GLIS3: variants seen among roughly 807,000 people sequenced by gnomAD.
The protein encoded by GLIS3 is zinc finger protein GLIS3.
In GLIS3, 53 loss-of-function variants were observed where a neutral mutation model predicts 78.6. The observed-to-expected ratio is 0.67, with a 90% CI of 0.54 to 0.85. The LOEUF is 0.85. GLIS3 is among the 40% of genes least tolerant of loss of function. GLIS3 has a pLI of 0.00. For synonymous variants in GLIS3, 684 were observed against 509.9 expected (o/e 1.34, Z -4.60); for missense variants, 1,703 against 1,231.1 (o/e 1.38, Z -5.74).
chr9:4,358,695 C>G, the GLIS3 span, among the ~76,000 whole-genome samples: 1 of 152,130 alleles, frequency 6.6e-6, no homozygotes, highest in South Asian at 2.1e-4. Flanking sequence ...ACAGATGCTC[C>G]AGAGGAATGG....
At chr9:4,092,365 G>A (rs1022564972) in intron 4 of GLIS3, among the ~76,000 whole-genome samples, 22 of 151,774 alleles carry the variant, frequency 1.4e-4, no homozygotes, top group Non-Finnish European at 2.6e-4. Context: ...TGTTAACCAG[G>A]ATGGTCTCGA....
intron 2 of GLIS3, among the ~76,000 whole-genome samples, chr9:4,333,548 C>G (rs1371228717): frequency 2.0e-5 from 3 of 152,144 alleles, no homozygotes; most frequent in Non-Finnish European, 4.4e-5. Flanking sequence ...TTCAACATTG[C>G]TCTGGGCTAG....
chr9:4,306,165 G>C (rs1433072491), intron 4 of GLIS3: 2 of 152,170 alleles, frequency 1.3e-5, no homozygotes, highest in South Asian at 2.1e-4. Context: ...CTACAGCCCC[G>C]ACCTCCTGGG....
chr9:4,084,320 A>AGAGG (rs1828830114), intron 4 of GLIS3, among the ~76,000 whole-genome samples: 1 of 148,406 alleles, frequency 6.7e-6, no homozygotes, highest in Admixed American at 6.8e-5. Flanking sequence ...CCTTAAACTT[A>AGAGG]GAGGGGCCTG....
the GLIS3 span, among the ~76,000 whole-genome samples, chr9:4,358,179 C>G: frequency 4.5e-4 from 69 of 152,098 alleles, 1 homozygote; most frequent in East Asian, 0.011. Context: ...AAGAAAATTT[C>G]CAGAAGGCTG....
chr9:4,077,012 T>C (rs1361177313), intron 4 of GLIS3, among the ~76,000 whole-genome samples: 1 of 152,182 alleles, frequency 6.6e-6, no homozygotes, highest in African/African-American at 2.4e-5. Context: ...TGAGCTGAGC[T>C]CAAGCCTCTG....
intron 2 of GLIS3, among the ~76,000 whole-genome samples, chr9:4,284,602 GAAGAA>G (rs1367716901): frequency 1.3e-5 from 2 of 151,538 alleles, no homozygotes; most frequent in Non-Finnish European, 2.9e-5. Context: ...CAAAAAAAAA[GAAGAA>G]GAAGAAAAAT....
At chr9:4,396,275 G>C in the GLIS3 span, among the ~76,000 whole-genome samples, 1 of 152,124 alleles carries the variant, frequency 6.6e-6, no homozygotes, top group Non-Finnish European at 1.5e-5. Flanking sequence ...ACTATGCCTA[G>C]CTAAGTTTTC....
chr9:4,082,039 G>A (rs774219261), intron 4 of GLIS3, among the ~76,000 whole-genome samples: 1 of 152,182 alleles, frequency 6.6e-6, no homozygotes, highest in Non-Finnish European at 1.5e-5. Flanking sequence ...GACAGAATCG[G>A]AATGGGAGCC....
chr9:3,918,617 C>T (rs1824673240), intron 6 of GLIS3, among the ~76,000 whole-genome samples: 1 of 152,184 alleles, frequency 6.6e-6, no homozygotes, highest in Non-Finnish European at 1.5e-5. Context: ...ACCCAGGAGT[C>T]TCATGTCTCC....
chr9:4,156,095 T>TAA lies in GLIS3; in HGVS notation c.389-30156_389-30155dup, dbSNP rs370358262. On this transcript the variant is annotated intron_variant, in intron 2 of 10. Coordinates refer to ENST00000381971, the MANE Select transcript of GLIS3 (RefSeq NM_001042413.2). ...TCAAACCCCAAGTCCAGCAATGGATTAAAAAAAAAAATCACCTCTTGTGTG... is the reference window on the plus strand; with the variant it reads ...TCAAACCCCAAGTCCAGCAATGGATTAAAAAAAAAAAAATCACCTCTTGTGTG... Among the ~76,000 whole-genome samples the TAA allele has an allele frequency of 1.7e-3, 258 of 148,458 alleles. 4 individuals are homozygous for TAA. Among genetic ancestry groups the TAA allele is most frequent in the African/African-American group, 5.8e-3 (235 of 40,656 alleles).
intron 4 of GLIS3, among the ~76,000 whole-genome samples, chr9:4,082,450 T>C (rs1828631458): frequency 6.6e-6 from 1 of 152,148 alleles, no homozygotes; most frequent in South Asian, 2.1e-4. Context: ...TCATTTGAAA[T>C]GGGGTGGGCA....
At chr9:4,401,885 A>G in the GLIS3 span, among the ~76,000 whole-genome samples, 1 of 152,164 alleles carries the variant, frequency 6.6e-6, no homozygotes, top group Non-Finnish European at 1.5e-5. Context: ...TGATGGCTCC[A>G]GGGAGAGGCC....
At chr9:4,228,259 A>G (rs531918713) in intron 2 of GLIS3, among the ~76,000 whole-genome samples, 80 of 150,470 alleles carry the variant, frequency 5.3e-4, no homozygotes, top group African/African-American at 1.9e-3. Flanking sequence ...TGATGAATTT[A>G]GTTTTAAAAT....
At chr9:4,489,962 C>G in the GLIS3 span, among the ~76,000 whole-genome samples, 5 of 152,248 alleles carry the variant, frequency 3.3e-5, no homozygotes, top group African/African-American at 1.2e-4. Flanking sequence ...ACTCCTTTCT[C>G]TCCTCCCAGA....
rs191381504 is a variant in GLIS3 at position 4,059,088 on chromosome 9, G to C, written c.1710+58680C>G. 2.3e-3 allele frequency among the ~76,000 whole-genome samples: 345 copies of C among 152,148 alleles called. 2 individuals are homozygous for C. Among genetic ancestry groups the C allele is most frequent in the Non-Finnish European group, 7.4e-4 (50 of 68,012 alleles). On this transcript the variant is annotated intron_variant, in intron 4 of 10. Coordinates refer to ENST00000381971, the MANE Select transcript of GLIS3 (RefSeq NM_001042413.2). ...AGTCATCTAATCTATAGTTGATCTA[G>C]GTCTGAGTGTTACTGCAGCTTTAAT...
the GLIS3 span, among the ~76,000 whole-genome samples, chr9:4,379,085 G>A: frequency 4.6e-5 from 7 of 152,162 alleles, no homozygotes; most frequent in Admixed American, 6.5e-5. Flanking sequence ...CCTCTCGGCC[G>A]TGTCGTTATG....
In GLIS3 at chr9:4,231,272, C is replaced by T. The variant is rs573392073; in HGVS notation, c.388+54766G>A. On this transcript the variant is annotated intron_variant, in intron 2 of 10. Transcript: ENST00000381971. ...CTCAATGAATGAGTTCAAATCTATA[C>T]GTGACATATTAAAAATGAACAGTAA... is the stretch of plus-strand genomic sequence containing the variant. Among the ~76,000 whole-genome samples, 5 of 152,218 alleles carry T rather than the reference C, an allele frequency of 3.3e-5. No individual in the cohort carries two copies. The East Asian group carries it at 7.7e-4, about 23-fold the overall frequency.
chr9:4,125,296 T>C (rs1832485184), intron 3 of GLIS3, among the ~76,000 whole-genome samples: 1 of 152,212 alleles, frequency 6.6e-6, no homozygotes, highest in African/African-American at 2.4e-5. Flanking sequence ...GGTAGCTGGA[T>C]GGATGCACAG....
Sources: allele counts gnomAD v4.1 joint callset (sites outside exome capture counted in the v4.1 genomes callset), GRCh38; gene constraint gnomAD v4.1.1; transcripts MANE v1.5; gene names NCBI Gene and HGNC (gene_info 2026-07-23, HGNC 2026-07-21).